The following MSRA variants were observed in gnomAD, a reference collection of about 807,000 sequenced individuals.
The protein encoded by MSRA is mitochondrial peptide methionine sulfoxide reductase.
In MSRA, 54 loss-of-function variants were observed where a neutral mutation model predicts 31.3. The observed-to-expected ratio is 1.73, with a 90% CI of 1.39 to 2.17. The LOEUF (loss-of-function observed/expected upper bound fraction) is 2.17, where lower values mean the gene tolerates loss of function less well. MSRA is among the 30% of genes most tolerant of loss of function. The pLI is 0.00. For missense variants in MSRA, 507 were observed against 300.9 expected, an observed-to-expected ratio of 1.69 and a Z score of -5.07; for synonymous variants, 169 against 116.5, an observed-to-expected ratio of 1.45 and a Z score of -2.90.
At chr8:10,109,817 T>C (rs911527463) in intron 1 of MSRA, among the ~76,000 whole-genome samples, 3 of 152,220 alleles carry the variant, frequency 2.0e-5, no homozygotes, top group African/African-American at 7.2e-5. Context: ...TTTCACAGTT[T>C]GTTGAACTGT....
chr8:10,245,734 G>C (rs1797590641), intron 3 of MSRA, among the ~76,000 whole-genome samples: 1 of 152,228 alleles, frequency 6.6e-6, no homozygotes, highest in Non-Finnish European at 1.5e-5. Flanking sequence ...TCACATGGTG[G>C]TGGATGCAGA....
intron 1 of MSRA, among the ~76,000 whole-genome samples, chr8:10,132,265 A>C (rs1249302727): frequency 6.6e-6 from 1 of 152,224 alleles, no homozygotes; most frequent in African/African-American, 2.4e-5. Context: ...CTTATTTGAC[A>C]TTAGCAATGT....
rs566981886 is a variant in MSRA at position 10,275,140 on chromosome 8, C to G, written c.332-26394C>G. Among the ~76,000 whole-genome samples, 263 of 152,044 alleles carry G rather than the reference C, an allele frequency of 1.7e-3. 1 individual carries two copies. The highest frequency in any genetic ancestry group is 5.6e-3 in the African/African-American group (233 of 41,408). ...CAGGTGTCCTTTTTTCTGAAAATTT[C>G]TCATAATGTGCCAAAGAAGATAAGA... On this transcript the variant is annotated intron_variant, in intron 3 of 5. Transcript: ENST00000317173.
chr8:10,330,365 A>G (rs1802624985), intron 5 of MSRA, among the ~76,000 whole-genome samples: 2 of 152,204 alleles, frequency 1.3e-5, no homozygotes, highest in South Asian at 4.1e-4. Context: ...TAGCCATGCT[A>G]TAACCATGAT....
At chr8:10,190,583 C>A (rs1031563796) in intron 1 of MSRA, among the ~76,000 whole-genome samples, 1 of 152,230 alleles carries the variant, frequency 6.6e-6, no homozygotes, top group Non-Finnish European at 1.5e-5. Context: ...CCTTTCATGT[C>A]TGTCTTCCTT....
chr8:10,306,644 C>G (rs1480599391), intron 4 of MSRA, among the ~76,000 whole-genome samples: 1 of 152,194 alleles, frequency 6.6e-6, no homozygotes, highest in Non-Finnish European at 1.5e-5. Flanking sequence ...ACAGAGTAAT[C>G]TAAAGAACTG....
At chr8:10,152,247 A>G (rs960531758) in intron 1 of MSRA, among the ~76,000 whole-genome samples, 13 of 152,264 alleles carry the variant, frequency 8.5e-5, no homozygotes, top group African/African-American at 3.1e-4. Flanking sequence ...ATCTAAAAAC[A>G]TATATAAACA....
Position 10,324,856 on chromosome 8 carries a change from C to G in MSRA, c.543+4867C>G, listed in dbSNP as rs1018520287. Among the ~76,000 whole-genome samples, 7 of 152,326 alleles carry G rather than the reference C, an allele frequency of 4.6e-5. No homozygotes were observed. In the East Asian group the frequency reaches 1.4e-3, roughly 29 times the overall value. On this transcript the variant is annotated intron_variant, in intron 5 of 5. Coordinates refer to ENST00000317173, the MANE Select transcript of MSRA (RefSeq NM_012331.5). ...AGGCATTCGGGAGAAGATGAGGAAG[C>G]ATGTTTCCATTGAATGCCATCAGTC...
intron 1 of MSRA, among the ~76,000 whole-genome samples, 184 bp downstream of exon 1, chr8:10,054,842 C>G (rs77272912): frequency 6.6e-6 from 1 of 152,192 alleles, no homozygotes; most frequent in Admixed American, 6.5e-5. Context: ...GGTCCACTGA[C>G]GTCCCTTTGT....
chr8:10,360,388 G>A (rs1804777022), intron 5 of MSRA, among the ~76,000 whole-genome samples: 1 of 152,194 alleles, frequency 6.6e-6, no homozygotes, highest in South Asian at 2.1e-4. Flanking sequence ...CTTGTAATTT[G>A]GAGTTCTTGG....
chr8:10,142,968 C>T (rs1802835735), intron 1 of MSRA, among the ~76,000 whole-genome samples: 1 of 152,032 alleles, frequency 6.6e-6, no homozygotes, highest in Non-Finnish European at 1.5e-5. Flanking sequence ...TTCCCAGTTC[C>T]CACCCTGATC....
intron 1 of MSRA, among the ~76,000 whole-genome samples, chr8:10,113,804 G>C (rs1337798551): frequency 6.6e-6 from 1 of 151,690 alleles, no homozygotes; most frequent in Non-Finnish European, 1.5e-5. Flanking sequence ...ATTGTTTAGT[G>C]AGATCTAATT....
chr8:10,388,446 C>A (rs937980556), intron 5 of MSRA, among the ~76,000 whole-genome samples: 1 of 152,192 alleles, frequency 6.6e-6, no homozygotes, highest in Admixed American at 6.5e-5. Context: ...TCTCCTGTGT[C>A]TGCAGTTTCT....
At chr8:10,092,540 C>T (rs1409662515) in intron 1 of MSRA, among the ~76,000 whole-genome samples, 1 of 152,076 alleles carries the variant, frequency 6.6e-6, no homozygotes, top group Non-Finnish European at 1.5e-5. Flanking sequence ...CGCCTTTAGT[C>T]CCAGCTACTT....
At chr8:10,212,348 C>A (rs1057473930) in intron 2 of MSRA, among the ~76,000 whole-genome samples, 2 of 151,964 alleles carry the variant, frequency 1.3e-5, no homozygotes, top group Non-Finnish European at 2.9e-5. Context: ...TATAATGTCC[C>A]CCTTTAACGA....
rs185386778 is a variant in MSRA, at chr8:10,256,063, C to T, written c.331+10840C>T. Reference sequence around the variant, plus strand: ...GACATGTATAATGAGTGACCTGTGTCCACCATGAAGTTATTGTACAGAGTA... The same window carrying T: ...GACATGTATAATGAGTGACCTGTGTTCACCATGAAGTTATTGTACAGAGTA... On this transcript the variant is annotated intron_variant, in intron 3 of 5. Transcript: ENST00000317173. 1.3e-4 allele frequency among the ~76,000 whole-genome samples: 20 copies of T among 152,162 alleles called. 1 individual carries two copies. The highest frequency in any genetic ancestry group is 4.6e-4 in the African/African-American group (19 of 41,524).
intron 1 of MSRA, among the ~76,000 whole-genome samples, chr8:10,136,469 C>G (rs906476746): frequency 6.6e-6 from 1 of 152,168 alleles, no homozygotes; most frequent in Non-Finnish European, 1.5e-5. Flanking sequence ...AGCTCGGGAG[C>G]CCACAAGATT....
At chr8:10,073,109 G>A (rs1797823507) in intron 1 of MSRA, among the ~76,000 whole-genome samples, 1 of 151,846 alleles carries the variant, frequency 6.6e-6, no homozygotes, top group Admixed American at 6.6e-5. Flanking sequence ...CCAGTATTAT[G>A]TTAAATAAAA....
At chr8:10,382,658 CA>C (rs1806143237) in intron 5 of MSRA, among the ~76,000 whole-genome samples, 1 of 152,180 alleles carries the variant, frequency 6.6e-6, no homozygotes, top group Middle Eastern at 3.2e-3. Flanking sequence ...GTTACTGAGG[CA>C]AACACCTCAT....
Sources: gnomAD v4.1 joint callset for allele counts (sites outside exome capture counted in the v4.1 genomes callset) on GRCh38, gnomAD v4.1.1 for gene constraint, MANE v1.5 for transcripts, NCBI Gene and HGNC (gene_info 2026-07-23, HGNC 2026-07-21) for gene names.